Variants in RASGRP1 observed in about 807,000 individuals in gnomAD.
RASGRP1 encodes RAS guanyl-releasing protein 1.
RASGRP1 carries 37 observed loss-of-function variants against 95.1 expected under a neutral mutation model. The ratio of observed to expected loss-of-function variants is 0.39; its 90% CI spans 0.30 to 0.51. RASGRP1 has a LOEUF of 0.51. Ranked by LOEUF, RASGRP1 falls within the 20% of genes least tolerant of loss-of-function variation. The pLI is 0.80. For synonymous variants in RASGRP1, 325 were observed against 353.4 expected, an observed-to-expected ratio of 0.92 and a Z score of 0.90; for missense variants, 711 against 965.4, an observed-to-expected ratio of 0.74 and a Z score of 3.49.
intron 7 of RASGRP1, 23 bp downstream of exon 7, chr15:38,512,760 A>G (rs1235542833): frequency 6.2e-7 from 1 of 1,613,058 alleles, no homozygotes; most frequent in Admixed American, 1.7e-5. Context: ...GCCCAAGCCA[A>G]ATGTCTTAAA....
intron 15 of RASGRP1, among the ~76,000 whole-genome samples, chr15:38,498,104 C>G (rs1421906907): frequency 1.3e-5 from 2 of 152,196 alleles, no homozygotes; most frequent in Non-Finnish European, 2.9e-5. Context: ...CTGTCTGTGG[C>G]TAAGTCTGCT....
chr15:38,522,505 C>T (rs1024798427), intron 3 of RASGRP1, among the ~76,000 whole-genome samples: 3 of 152,104 alleles, frequency 2.0e-5, no homozygotes, highest in Non-Finnish European at 4.4e-5. Flanking sequence ...ATATGAGAAA[C>T]GCACTTTGAC....
intron 10 of RASGRP1, chr15:38,504,416 A>T (rs767537185): frequency 1.3e-5 from 2 of 152,164 alleles, no homozygotes; most frequent in African/African-American, 2.4e-5. Context: ...TATTCTATAA[A>T]CTTTTTTCTA....
intron 2 of RASGRP1, among the ~76,000 whole-genome samples, chr15:38,535,655 G>A (rs895760045): frequency 2.6e-5 from 4 of 152,146 alleles, no homozygotes; most frequent in Non-Finnish European, 4.4e-5. Flanking sequence ...CAACAGAAAC[G>A]CTCCTCCCTG....
In RASGRP1 at chr15:38,559,843, A is replaced by C; in HGVS notation, c.198T>G (p.Ile66Met). 1 of 1,613,982 alleles carries C rather than the reference A, an allele frequency of 6.2e-7. No individual in the cohort carries two copies. The highest frequency in any genetic ancestry group is 8.5e-7 in the Non-Finnish European group (1 of 1,179,840). The change falls in exon 2 of 17, where the codon ATT becomes ATG. Residue 66 changes from isoleucine to methionine, a missense_variant. Physicochemically the swap from Ile to Met is conservative, Grantham distance 10 (BLOSUM62 1). Transcript: ENST00000310803. ...LAKGASLDDLIDSCIQSFDAD... is the reference protein window; with the variant it reads ...LAKGASLDDLMDSCIQSFDAD... ...TACCAAAAGATTGAATGCAGCTGTCAATGAGATCGTCCAGGCTGGCTCCTT... is the reference window on the plus strand; with the variant it reads ...TACCAAAAGATTGAATGCAGCTGTCCATGAGATCGTCCAGGCTGGCTCCTT...
chr15:38,490,560 AC>A lies in RASGRP1; in HGVS notation c.2387del (p.Cys796PhefsTer8). ...GTGCTACTTAGTTTCTGGGCTAAGA[AC>A]AGTCACCCTGCTCCATTTGAGCTAA... is the stretch of plus-strand genomic sequence containing the variant. ...HVLAQMEQGD[C>X]S On this transcript the variant is annotated frameshift_variant, in exon 17 of 17. Transcript: ENST00000310803. LOFTEE classifies it high-confidence loss of function. The A allele has an allele frequency of 6.2e-7, 1 of 1,612,492 alleles. No individual in the cohort carries two copies. The highest frequency in any genetic ancestry group is 8.5e-7 in the Non-Finnish European group (1 of 1,179,142).
chr15:38,519,382 G>C lies in RASGRP1; in HGVS notation c.327-11C>G. 6.6e-7 allele frequency: 1 copy of C among 1,506,692 alleles called. No homozygotes were observed. Among genetic ancestry groups the C allele is most frequent in the Non-Finnish European group, 9.2e-7 (1 of 1,088,864 alleles). The allele number at this position is 1,506,692 out of a possible 1,614,324, so 93.3% of individuals were successfully genotyped here. ...AAAGCATCCTTATAGGTAGGGCTGTGGTTAAGGGAAATGGAGACCTCTGTT... is the reference window on the plus strand; with the variant it reads ...AAAGCATCCTTATAGGTAGGGCTGTCGTTAAGGGAAATGGAGACCTCTGTT... On this transcript the variant is annotated splice_polypyrimidine_tract_variant and intron_variant, in intron 3 of 16. Coordinates refer to ENST00000310803, the MANE Select transcript of RASGRP1 (RefSeq NM_005739.4).
rs540100580 is a variant in RASGRP1, at chr15:38,494,580, T to C, written c.2061A>G (p.Ser687=). The C allele has an allele frequency of 8.3e-6, 13 of 1,564,520 alleles. No individual in the cohort carries two copies. Among genetic ancestry groups the C allele is most frequent in the Non-Finnish European group, 1.1e-5 (13 of 1,158,018 alleles). The change falls in exon 16 of 17, where the codon TCA becomes TCG. Residue 687 remains serine, a synonymous_variant. Transcript: ENST00000310803. The part of the protein sequence containing the change: ...SQPWIGSEGP[S]GPFVLSSPRK... The stretch of plus-strand genomic sequence containing the variant: ...TTGGGGAAGACAGCACAAAGGGACC[T>C]GAAGGGCCCTCACTGCCAATCCAAG...
At position 38,542,873 on chromosome 15, in the gene RASGRP1, G is replaced by GTATATATATACACA. The variant is rs1424625877; in HGVS notation, c.221-16483_221-16470dup. On this transcript the variant is annotated intron_variant, in intron 2 of 16. Transcript: ENST00000310803. ...TGTGTATATATATACACATATATGT[G>GTATATATATACACA]TATATATATACACATATATGTGTAT... 3.0e-5 allele frequency among the ~76,000 whole-genome samples: 4 copies of GTATATATATACACA among 132,402 alleles called. No individual in the cohort carries two copies. The East Asian group carries it at 6.4e-4, about 21-fold the overall frequency. 86.9% of individuals were successfully genotyped at this position (132,402 alleles called of 152,430 possible).
At chr15:38,512,701 A>T in intron 7 of RASGRP1, 82 bp downstream of exon 7, 2 of 1,540,888 alleles carry the variant, frequency 1.3e-6, no homozygotes, top group South Asian at 2.4e-5. Context: ...AAACAGCTCT[A>T]ATTAATAGAC....
intron 2 of RASGRP1, among the ~76,000 whole-genome samples, chr15:38,543,200 T>A (rs1489480890): frequency 2.0e-5 from 3 of 152,254 alleles, no homozygotes; most frequent in African/African-American, 7.2e-5. Flanking sequence ...ATCATTTGAT[T>A]CATCTCATTT....
chr15:38,513,592 G>C (rs140959454), intron 6 of RASGRP1, among the ~76,000 whole-genome samples: 28 of 152,264 alleles, frequency 1.8e-4, no homozygotes, highest in African/African-American at 6.5e-4. Flanking sequence ...TTAAAATTTG[G>C]TTAGCTATAT....
At chr15:38,494,825 C>G in intron 15 of RASGRP1, 58 bp from the exon 16 acceptor site, 1 of 1,295,334 alleles carries the variant, frequency 7.7e-7, no homozygotes, top group Non-Finnish European at 1.0e-6. Flanking sequence ...AGACTCAAGA[C>G]TGAGACATTA....
chr15:38,531,724 G>A (rs1892446790), intron 2 of RASGRP1, among the ~76,000 whole-genome samples: 1 of 152,062 alleles, frequency 6.6e-6, no homozygotes, highest in Admixed American at 6.6e-5. Flanking sequence ...GCAGAGATGT[G>A]GTTAGGGAAA....
intron 12 of RASGRP1, 23 bp from the exon 13 acceptor site, chr15:38,501,310 A>G: frequency 1.2e-6 from 2 of 1,613,074 alleles, no homozygotes; most frequent in Non-Finnish European, 1.7e-6. Context: ...GACCAAGGCA[A>G]GGATGTGAGT....
intron 2 of RASGRP1, among the ~76,000 whole-genome samples, chr15:38,543,403 C>T (rs1892979202): frequency 6.6e-6 from 1 of 152,076 alleles, no homozygotes; most frequent in Admixed American, 6.6e-5. Flanking sequence ...TTTGTCTATC[C>T]TTATATGTAT....
intron 2 of RASGRP1, among the ~76,000 whole-genome samples, chr15:38,534,871 T>C (rs560368921): frequency 6.6e-6 from 1 of 152,088 alleles, no homozygotes; most frequent in Non-Finnish European, 1.5e-5. Flanking sequence ...GGGGCCAGAG[T>C]AGTAGAGCAG....
intron 15 of RASGRP1, among the ~76,000 whole-genome samples, chr15:38,498,250 G>A (rs1414549000): frequency 1.3e-5 from 2 of 152,268 alleles, no homozygotes; most frequent in African/African-American, 4.8e-5. Context: ...ATTCGCAGCT[G>A]CCTCTACCTG....
intron 10 of RASGRP1, chr15:38,503,623 C>T: frequency 2.0e-6 from 1 of 503,982 alleles, no homozygotes; most frequent in South Asian, 2.5e-5. Context: ...ATTTGAAATT[C>T]TCAATCTGCC....
Sources: gnomAD v4.1 joint callset for allele counts (sites outside exome capture counted in the v4.1 genomes callset) on GRCh38, gnomAD v4.1.1 for gene constraint, MANE v1.5 for transcripts, NCBI Gene and HGNC (gene_info 2026-07-23, HGNC 2026-07-21) for gene names.